Variants in OTOGL observed in about 807,000 individuals in gnomAD.
The protein encoded by OTOGL is otogelin like.
Under a neutral mutation model 318.5 loss-of-function variants are expected in OTOGL, and 285 were observed. The observed-to-expected ratio is 0.89, with a 90% CI of 0.81 to 0.99. The LOEUF is 0.99. Ranked by LOEUF, OTOGL falls within the 50% of genes least tolerant of loss-of-function variation. OTOGL has a pLI of 0.00. For synonymous variants in OTOGL, 987 were observed against 936.5 expected (o/e 1.05, Z -0.99); for missense variants, 2,899 against 2,845.6 (o/e 1.02, Z -0.43).
intron 8 of OTOGL, among the ~76,000 whole-genome samples, chr12:80,231,725 C>T (rs1879375989): frequency 6.6e-6 from 1 of 152,060 alleles, no homozygotes; most frequent in Admixed American, 6.6e-5. Context: ...ACCTCTGCCT[C>T]CCAGGTTCAA....
intron 4 of OTOGL, among the ~76,000 whole-genome samples, chr12:80,217,192 T>G (rs755239499): frequency 5.9e-5 from 9 of 152,014 alleles, no homozygotes; most frequent in Non-Finnish European, 1.2e-4. Flanking sequence ...AATTGCTATT[T>G]CTGCAGGCAA....
Position 80,209,412 on chromosome 12 carries a change from G to T in OTOGL, c.-19-1G>T. ...AGACCATCAATTTGGTTACATTTCA[G>T]GGGGAAAGGCTACACTGAAATGAAC... On this transcript the variant is annotated splice_acceptor_variant, in intron 1 of 58. Transcript: ENST00000547103. LOFTEE classifies it low-confidence loss of function (5UTR_SPLICE). 1 of 1,444,492 alleles carries T rather than the reference G, an allele frequency of 6.9e-7. No homozygotes were observed. The highest frequency in any genetic ancestry group is 1.4e-5 in the South Asian group (1 of 70,222). The allele number at this position is 1,444,492 out of a possible 1,614,324, so 89.5% of individuals were successfully genotyped here. A position where few individuals can be genotyped will look rare whatever the true frequency, so the allele number is the denominator to read the frequency against.
chr12:80,234,319 C>T (rs547582966), intron 9 of OTOGL, among the ~76,000 whole-genome samples: 57 of 152,288 alleles, frequency 3.7e-4, no homozygotes, highest in African/African-American at 1.4e-3. Context: ...ACCTGACAGG[C>T]TCCCTGTGCT....
intron 1 of OTOGL, among the ~76,000 whole-genome samples, chr12:80,112,728 T>G (rs1869925798): frequency 6.7e-6 from 1 of 149,900 alleles, no homozygotes; most frequent in Non-Finnish European, 1.5e-5. Flanking sequence ...TTTTTTGTTG[T>G]GTCTCTGCCA....
At chr12:80,368,819 ATTT>A (rs35591526) in intron 55 of OTOGL, among the ~76,000 whole-genome samples, 1,815 of 147,000 alleles carry the variant, frequency 0.012, 29 homozygotes, top group African/African-American at 0.039. Flanking sequence ...GACAACTACT[ATTT>A]TTTTTTTTTT....
intron 57 of OTOGL, among the ~76,000 whole-genome samples, chr12:80,374,288 A>G (rs10778735): frequency 0.52 from 79,239 of 151,944 alleles, 22,889 homozygotes; most frequent in East Asian, 0.72. Flanking sequence ...GAACACCAGT[A>G]ATATTGAATT....
Position 80,336,064 on chromosome 12 carries a change from A to C in OTOGL, c.4524A>C (p.Glu1508Asp), listed in dbSNP as rs1336313300. Residue 1508 changes from glutamate to aspartate, a missense_variant, in exon 39 of 59, where the codon GAA (glutamate) becomes GAC (aspartate). Glu to Asp is a conservative substitution (Grantham distance 45). Transcript: ENST00000547103. ...NWSLNCPKDV[E>D]MPDCGFRGRP... ...CCCTTAATTGCCCAAAGGACGTGGA[A>C]ATGCCTGACTGTGGTTTCCGAGGAA... The C allele has an allele frequency of 1.3e-6, 2 of 1,598,930 alleles. No individual in the cohort carries two copies. Among genetic ancestry groups the C allele is most frequent in the South Asian group, 2.2e-5 (2 of 91,064 alleles).
At chr12:80,289,296 T>A (rs925683374) in intron 26 of OTOGL, among the ~76,000 whole-genome samples, 1 of 152,164 alleles carries the variant, frequency 6.6e-6, no homozygotes, top group African/African-American at 2.4e-5. Flanking sequence ...ACGCATCTGA[T>A]GCCAGCCAGA....
chr12:80,141,172 G>A (rs757484830), intron 1 of OTOGL, among the ~76,000 whole-genome samples: 4 of 152,088 alleles, frequency 2.6e-5, no homozygotes, highest in Non-Finnish European at 5.9e-5. Context: ...CTTAAGTTAT[G>A]TAAAGTAGGG....
intron 8 of OTOGL, among the ~76,000 whole-genome samples, chr12:80,232,173 T>C (rs796661898): frequency 1.3e-5 from 2 of 152,318 alleles, no homozygotes; most frequent in African/African-American, 4.8e-5. Context: ...GGAGCTTAAA[T>C]ATTTTATGTG....
intron 29 of OTOGL, among the ~76,000 whole-genome samples, chr12:80,308,712 C>A (rs1487858692): frequency 2.6e-5 from 4 of 152,230 alleles, no homozygotes; most frequent in African/African-American, 9.6e-5. Flanking sequence ...CGTCTGCAAT[C>A]CCGGCACCTT....
At chr12:80,296,754 T>A (rs1234476735) in intron 26 of OTOGL, 73 bp from the exon 27 acceptor site, 4 of 1,141,262 alleles carry the variant, frequency 3.5e-6, no homozygotes, top group Non-Finnish European at 4.6e-6. Context: ...TATTTAAGAT[T>A]TCTTAATAAA....
At chr12:80,188,338 G>C (rs1875441265) in intron 1 of OTOGL, among the ~76,000 whole-genome samples, 1 of 151,930 alleles carries the variant, frequency 6.6e-6, no homozygotes, top group Admixed American at 6.6e-5. Flanking sequence ...AGGAGTTCGA[G>C]ACCAGCCTGA....
At chr12:80,205,688 A>G (rs1876763088) in intron 1 of OTOGL, among the ~76,000 whole-genome samples, 1 of 152,216 alleles carries the variant, frequency 6.6e-6, no homozygotes. Context: ...ATGAACTTGA[A>G]ATGTGTTAGG....
chr12:80,213,333 G>T (rs577436423), intron 4 of OTOGL, among the ~76,000 whole-genome samples: 8 of 152,300 alleles, frequency 5.3e-5, no homozygotes, highest in Admixed American at 2.6e-4. Flanking sequence ...ACAACCAGAG[G>T]TTACTTTCAT....
intron 24 of OTOGL, among the ~76,000 whole-genome samples, chr12:80,275,737 C>T (rs1883754814): frequency 1.3e-5 from 2 of 151,752 alleles, no homozygotes; most frequent in African/African-American, 4.8e-5. Flanking sequence ...TCCCAGCCTT[C>T]AGCAACCACC....
At chr12:80,110,860 C>G (rs903942921) in intron 1 of OTOGL, among the ~76,000 whole-genome samples, 9 of 152,324 alleles carry the variant, frequency 5.9e-5, no homozygotes, top group Middle Eastern at 3.4e-3. Context: ...CTAATTTACA[C>G]TCCCACCAAC....
intron 44 of OTOGL, among the ~76,000 whole-genome samples, chr12:80,346,817 G>A (rs12424403): frequency 0.074 from 11,310 of 152,126 alleles, 482 homozygotes; most frequent in East Asian, 0.17. Context: ...GGAAGGGGTA[G>A]GATTTAAGGA....
chr12:80,202,515 C>T (rs886975436), intron 1 of OTOGL, among the ~76,000 whole-genome samples: 5 of 152,158 alleles, frequency 3.3e-5, no homozygotes, highest in African/African-American at 1.2e-4. Flanking sequence ...ACAGGTGATC[C>T]GCCTGCCTTG....
Sources: allele counts gnomAD v4.1 joint callset (sites outside exome capture counted in the v4.1 genomes callset), GRCh38; gene constraint gnomAD v4.1.1; transcripts MANE v1.5; gene names NCBI Gene and HGNC (gene_info 2026-07-23, HGNC 2026-07-21).